The following APBB2 variants were observed in gnomAD, a reference collection of about 807,000 sequenced individuals.
The protein encoded by APBB2 is amyloid beta precursor protein binding family B member 2.
Under a neutral mutation model 82.5 loss-of-function variants are expected in APBB2, and 38 were observed. That is an observed-to-expected ratio of 0.46 (90% CI 0.36 to 0.60). The LOEUF is 0.60. Ranked by LOEUF, APBB2 falls within the 20% of genes least tolerant of loss-of-function variation. The probability of loss-of-function intolerance (pLI) is 0.00; values close to 1 mark genes in which losing one functional copy is unlikely to be tolerated. For missense variants in APBB2, 772 were observed against 972.3 expected (o/e 0.79, Z 2.74); for synonymous variants, 341 against 368.2 (o/e 0.93, Z 0.85).
In APBB2 at chr4:41,021,905, G is replaced by A. The variant is rs115958819; in HGVS notation, c.20-7507C>T. ...CCCACTGGCAGGAACAAACAACTCC[G>A]GACGCACCACCTTAACACTCACTGC... On this transcript the variant is annotated intron_variant, in intron 5 of 17. Coordinates refer to ENST00000508593, the MANE Select transcript of APBB2 (RefSeq NM_004307.2). Among the ~76,000 whole-genome samples the A allele has an allele frequency of 9.4e-3, 1,436 of 152,076 alleles. 8 individuals carry two copies. Among genetic ancestry groups the A allele is most frequent in the Non-Finnish European group, 0.014 (978 of 67,982 alleles).
At chr4:40,957,523 T>G (rs1791962486) in intron 6 of APBB2, among the ~76,000 whole-genome samples, 1 of 151,964 alleles carries the variant, frequency 6.6e-6, no homozygotes, top group Admixed American at 6.6e-5. Flanking sequence ...CAAAATAGTT[T>G]AAATCTGTTT....
intron 12 of APBB2, among the ~76,000 whole-genome samples, chr4:40,831,023 C>T (rs757734012): frequency 1.4e-4 from 21 of 152,156 alleles, no homozygotes; most frequent in Non-Finnish European, 2.9e-4. Context: ...TGCTTGAGCC[C>T]AGGAGTTTGA....
In APBB2 at chr4:41,127,843, G is replaced by A. The variant is rs1754817660; in HGVS notation, c.-261+15144C>T. Among the ~76,000 whole-genome samples the A allele has an allele frequency of 6.6e-6, 1 of 152,074 alleles. No homozygotes were observed. The highest frequency in any genetic ancestry group is 2.4e-5 in the African/African-American group (1 of 41,408). On this transcript the variant is annotated intron_variant, in intron 2 of 17. Transcript: ENST00000508593. The surrounding 1 kb of genome is among the most constrained non-coding windows in gnomAD (Gnocchi z 4.8). ...GCTTGTAATCCCAGCACTTTGGGAG[G>A]CGGAGGCGGGTGGATTACCTGAGGT... is the stretch of plus-strand genomic sequence containing the variant.
intron 1 of APBB2, among the ~76,000 whole-genome samples, chr4:41,208,938 C>T (rs73232126): frequency 0.041 from 6,176 of 152,182 alleles, 168 homozygotes; most frequent in Middle Eastern, 0.11. Context: ...AGATAAGATT[C>T]AAACACCATG....
chr4:40,893,012 G>T, intron 11 of APBB2: 1 of 315,100 alleles, frequency 3.2e-6, no homozygotes, highest in East Asian at 5.2e-5. Context: ...GGCCCCTAAA[G>T]CTCACCCGTG....
chr4:41,008,146 G>A (rs1807304714), intron 6 of APBB2, among the ~76,000 whole-genome samples: 1 of 152,120 alleles, frequency 6.6e-6, no homozygotes, highest in Non-Finnish European at 1.5e-5. Flanking sequence ...GATATATTTA[G>A]CCTCTGTGGT....
At chr4:41,046,577 G>A (rs1049949837) in intron 4 of APBB2, among the ~76,000 whole-genome samples, 2 of 150,716 alleles carry the variant, frequency 1.3e-5, no homozygotes, top group African/African-American at 2.4e-5. Context: ...TCATAAAGCA[G>A]ATGGTCTTCT....
At chr4:41,031,198 C>T (rs144998514) in intron 5 of APBB2, among the ~76,000 whole-genome samples, 6,975 of 152,116 alleles carry the variant, frequency 0.046, 343 homozygotes, top group African/African-American at 0.13. Flanking sequence ...GCACTCCAGC[C>T]TGGGTGTCAG....
chr4:40,850,273 G>A (rs1326998762), intron 12 of APBB2, among the ~76,000 whole-genome samples: 2 of 152,094 alleles, frequency 1.3e-5, no homozygotes, highest in African/African-American at 4.8e-5. Flanking sequence ...ACTGTGCCCG[G>A]CTTTGTAACA....
rs577938934 is a variant in APBB2, at chr4:41,084,035, G to C, written c.-149+16604C>G. Among the ~76,000 whole-genome samples the C allele has an allele frequency of 2.7e-4, 41 of 152,172 alleles. 1 individual carries two copies. In the South Asian group the frequency reaches 7.1e-3, roughly 26 times the overall value. On this transcript the variant is annotated intron_variant, in intron 3 of 17. Transcript: ENST00000508593. ...GAATCAATAAAATATGTATTATAAAGCTGCAATATAAAAATATTTTATTGG... is the reference window on the plus strand; with the variant it reads ...GAATCAATAAAATATGTATTATAAACCTGCAATATAAAAATATTTTATTGG...
chr4:41,208,750 A>G (rs559894872), intron 1 of APBB2, among the ~76,000 whole-genome samples: 38 of 152,348 alleles, frequency 2.5e-4, no homozygotes, highest in Admixed American at 1.7e-3. Context: ...AACCACTGTC[A>G]AGTCATTAAC....
intron 6 of APBB2, among the ~76,000 whole-genome samples, chr4:40,970,217 T>G (rs1795603994): frequency 6.6e-6 from 1 of 152,198 alleles, no homozygotes; most frequent in Admixed American, 6.5e-5. Context: ...CATCTTGGCA[T>G]GACTATATAA....
intron 6 of APBB2, among the ~76,000 whole-genome samples, chr4:40,989,137 A>C (rs980005203): frequency 2.0e-5 from 3 of 152,048 alleles, no homozygotes; most frequent in African/African-American, 7.3e-5. Context: ...TCCCTCTTCC[A>C]CCTCACTTAC....
At chr4:40,822,848 G>C (rs1332654633) in intron 16 of APBB2, among the ~76,000 whole-genome samples, 1 of 152,184 alleles carries the variant, frequency 6.6e-6, no homozygotes, top group Non-Finnish European at 1.5e-5. Context: ...GTGGTGATCT[G>C]GGTAAGGGTC....
chr4:41,006,611 G>A (rs780543780), intron 6 of APBB2, among the ~76,000 whole-genome samples: 1 of 151,922 alleles, frequency 6.6e-6, no homozygotes, highest in Admixed American at 6.6e-5. Flanking sequence ...TTATAGGCAC[G>A]TGTCACCACA....
At chr4:41,190,296 G>A (rs1774081116) in intron 1 of APBB2, among the ~76,000 whole-genome samples, 1 of 124,342 alleles carries the variant, frequency 8.0e-6, no homozygotes, top group African/African-American at 3.3e-5. Flanking sequence ...CCGTCGCCCA[G>A]GCTGGAGCGC....
chr4:40,876,670 C>G (rs56820789), intron 12 of APBB2, among the ~76,000 whole-genome samples: 38,008 of 152,088 alleles, frequency 0.25, 5,107 homozygotes, highest in Admixed American at 0.31. Context: ...CTTATAATAC[C>G]TAATACAATG....
Position 41,013,614 on chromosome 4 carries a change from G to A in APBB2, c.804C>T (p.Asp268=), listed in dbSNP as rs1204553122. 1.2e-6 allele frequency: 2 copies of A among 1,614,092 alleles called. No individual in the cohort carries two copies. Among genetic ancestry groups the A allele is most frequent in the African/African-American group, 1.3e-5 (1 of 74,942 alleles). The change falls in exon 6 of 18, where the codon GAC becomes GAT. Residue 268 remains aspartate (D), a synonymous_variant. Coordinates refer to ENST00000508593, the MANE Select transcript of APBB2 (RefSeq NM_004307.2). ...CATCCGGGGAGCTGGGTGAGGCACT[G>A]TCTTGGGACAACGTTGTCCAGCTGG... ...EESSWTTLSQ[D]SASPSSPDET...
intron 4 of APBB2, among the ~76,000 whole-genome samples, chr4:41,041,185 T>C (rs980977627): frequency 2.6e-5 from 4 of 152,142 alleles, no homozygotes; most frequent in Non-Finnish European, 5.9e-5. Context: ...CGGCTACATG[T>C]GTGAAATTTT....
Sources: gnomAD v4.1 joint callset for allele counts (sites outside exome capture counted in the v4.1 genomes callset) on GRCh38, gnomAD v4.1.1 for gene constraint, Gnocchi (gnomAD v3.1) non-coding constraint, MANE v1.5 for transcripts, NCBI Gene and HGNC (gene_info 2026-07-23, HGNC 2026-07-21) for gene names.